MRGBP: variants seen among roughly 807,000 people sequenced by gnomAD.
MRGBP encodes MRG/MORF4L-binding protein.
A neutral mutation model predicts 21.5 loss-of-function variants in MRGBP; 5 were observed. The ratio of observed to expected loss-of-function variants is 0.23; its 90% CI spans 0.12 to 0.49. MRGBP has a LOEUF of 0.49. Among genes scored for constraint, MRGBP ranks in the 20% least tolerant of loss-of-function variants. The probability of loss-of-function intolerance (pLI) is 0.98; values close to 1 mark genes in which losing one functional copy is unlikely to be tolerated. For synonymous variants in MRGBP, 118 were observed against 104.4 expected, an observed-to-expected ratio of 1.13 and a Z score of -0.79; for missense variants, 227 against 277.4, an observed-to-expected ratio of 0.82 and a Z score of 1.29.
intron 2 of MRGBP, among the ~76,000 whole-genome samples, chr20:62,798,304 A>G (rs1055005515): frequency 1.3e-5 from 2 of 152,192 alleles, no homozygotes; most frequent in Non-Finnish European, 2.9e-5. Flanking sequence ...CCCGGTCCTC[A>G]GGGCCCGCCT....
In MRGBP at chr20:62,799,519, ACTC is replaced by A; in HGVS notation, c.495_497del (p.Ser166del). On this transcript the variant is annotated inframe_deletion, in exon 5 of 5. Transcript: ENST00000370487. ...AAATCCAGCAAAGACAAAGAGAAGAACTCCTCAGACTTGGGGTGCAAAGAAGGC... is the reference window on the plus strand; with the variant it reads ...AAATCCAGCAAAGACAAAGAGAAGAACTCAGACTTGGGGTGCAAAGAAGGC... 3 of 1,613,872 alleles carry A rather than the reference ACTC, an allele frequency of 1.9e-6. No homozygotes were observed. Among genetic ancestry groups the A allele is most frequent in the Non-Finnish European group, 2.5e-6 (3 of 1,179,984 alleles).
intron 1 of MRGBP, 84 bp from the exon 2 acceptor site, chr20:62,797,026 C>T: frequency 1.4e-6 from 2 of 1,415,764 alleles, no homozygotes; most frequent in Non-Finnish European, 1.9e-6. Context: ...ACCCTTGCCC[C>T]TCCAGTCCCC....
Position 62,796,483 on chromosome 20 carries a change from C to G in MRGBP, c.-41C>G, listed in dbSNP as rs1990335131. 2 of 1,104,050 alleles carry G rather than the reference C, an allele frequency of 1.8e-6. No homozygotes were observed. The highest frequency in any genetic ancestry group is 2.2e-6 in the Non-Finnish European group (2 of 905,988). 68.4% of individuals were successfully genotyped at this position (1,104,050 alleles called of 1,614,324 possible). ...GCCTGCGCGGAGCTCGTGGCCGCGC[C>G]TGCTCCCGCCGGGGGCTCCTTGCTC... On this transcript the variant is annotated 5_prime_UTR_variant, in exon 1 of 5. Transcript: ENST00000370487.
At chr20:62,798,520 TCTAGTGA>T in intron 2 of MRGBP, 60 bp from the exon 3 acceptor site, 11 of 1,391,400 alleles carry the variant, frequency 7.9e-6, no homozygotes, top group Non-Finnish European at 1.1e-5. Context: ...CTTACACGGC[TCTAGTGA>T]CTTCTTGAAA....
In MRGBP at chr20:62,798,484, G is replaced by GC. The variant is rs1415233687; in HGVS notation, c.271-102dup. The GC allele has an allele frequency of 2.2e-5, 20 of 911,478 alleles. No homozygotes were observed. In the African/African-American group the frequency reaches 3.1e-4, roughly 14 times the overall value. The allele number at this position is 911,478 out of a possible 1,614,324, so 56.5% of individuals were successfully genotyped here. A position where few individuals can be genotyped will look rare whatever the true frequency, so the allele number is the denominator to read the frequency against. Reference sequence around the variant, plus strand: ...CGCAGCCTCCAACACAGTGATGTGTGCTCATTGGCCTCTCCCCAAGTGGCT... The same window carrying GC: ...CGCAGCCTCCAACACAGTGATGTGTGCCTCATTGGCCTCTCCCCAAGTGGCT... On this transcript the variant is annotated intron_variant, in intron 2 of 4. Transcript: ENST00000370487.
intron 2 of MRGBP, 24 bp downstream of exon 2, chr20:62,797,255 G>A (rs1216104140): frequency 1.3e-6 from 2 of 1,533,650 alleles, no homozygotes; most frequent in East Asian, 2.4e-5. Flanking sequence ...CCCTCCCTGT[G>A]CCGCCCGATG....
chr20:62,798,809 G>C, intron 3 of MRGBP, 141 bp downstream of exon 3: 1 of 1,575,146 alleles, frequency 6.3e-7, no homozygotes, highest in Admixed American at 1.8e-5. Flanking sequence ...TGCTTGGGTG[G>C]TCTTGGAACC....
Position 62,801,477 on chromosome 20 carries a change from G to A in MRGBP, c.*1834G>A, listed in dbSNP as rs1373401445. 2 of 152,296 alleles carry A rather than the reference G, an allele frequency of 1.3e-5. No individual in the cohort carries two copies. Among genetic ancestry groups the A allele is most frequent in the African/African-American group, 4.8e-5 (2 of 41,446 alleles). The allele number at this position is 152,296 out of a possible 1,614,324, so 9.4% of individuals were successfully genotyped here. On this transcript the variant is annotated 3_prime_UTR_variant, in exon 5 of 5. Coordinates refer to ENST00000370487, the MANE Select transcript of MRGBP (RefSeq NM_018270.6). ...CTTGCCCGTCTGATCTCTCCTGTTA[G>A]GTCAGCCTCATTCAGGGCTTTGTGC...
Position 62,799,029 on chromosome 20 carries a change from C to T in MRGBP, c.407C>T (p.Pro136Leu). 1 of 1,613,212 alleles carries T rather than the reference C, an allele frequency of 6.2e-7. No individual in the cohort carries two copies. Among genetic ancestry groups the T allele is most frequent in the Non-Finnish European group, 8.5e-7 (1 of 1,179,712 alleles). ...MKEEMKEDVD[P>L]HNGADDVFSS... is the part of the protein sequence containing the mutation. The stretch of plus-strand genomic sequence containing the variant: ...GAGGAGATGAAGGAAGACGTGGACC[C>T]CCACAATGGGGCTGACGATGGTGAG... Residue 136 changes from proline (P) to leucine (L), a missense_variant, in exon 4 of 5, where the codon CCC becomes CTC. Around this residue, in one of 2 missense-constraint regions of MRGBP, gnomAD observed 162 missense variants for 227.7 expected, o/e 0.71. Coordinates refer to ENST00000370487, the MANE Select transcript of MRGBP (RefSeq NM_018270.6).
At chr20:62,798,231 T>C (rs1329254449) in intron 2 of MRGBP, among the ~76,000 whole-genome samples, 1 of 152,160 alleles carries the variant, frequency 6.6e-6, no homozygotes, top group African/African-American at 2.4e-5. Context: ...GAACGCAGTC[T>C]CATGGTGAGA....
At chr20:62,797,012 A>T in intron 1 of MRGBP, 98 bp from the exon 2 acceptor site, 1 of 673,096 alleles carries the variant, frequency 1.5e-6, no homozygotes. Flanking sequence ...ATCTCTCCGC[A>T]GCCACCCTTG....
At chr20:62,797,358 G>A in intron 2 of MRGBP, 127 bp downstream of exon 2, 1 of 1,258,660 alleles carries the variant, frequency 7.9e-7, no homozygotes, top group Non-Finnish European at 1.0e-6. Context: ...CAGAGTAGAG[G>A]CCCCTCCATG....
chr20:62,797,309 T>C, intron 2 of MRGBP, 78 bp downstream of exon 2: 1 of 1,468,972 alleles, frequency 6.8e-7, no homozygotes, highest in African/African-American at 1.4e-5. Context: ...CAGCCTGAGC[T>C]GGGCAGAGGC....
rs1990384686 is a variant in MRGBP at position 62,798,514 on chromosome 20, C to A, written c.271-73C>A. ...TTGGCCTCTCCCCAAGTGGCTCTTA[C>A]ACGGCTCTAGTGACTTCTTGAAACT... On this transcript the variant is annotated intron_variant, in intron 2 of 4. Coordinates refer to ENST00000370487, the MANE Select transcript of MRGBP (RefSeq NM_018270.6). 16 of 1,344,872 alleles carry A rather than the reference C, an allele frequency of 1.2e-5. No homozygotes were observed. The South Asian group carries it at 1.4e-4, about 12-fold the overall frequency. The allele number at this position is 1,344,872 out of a possible 1,614,324, so 83.3% of individuals were successfully genotyped here. A position where few individuals can be genotyped will look rare whatever the true frequency, so the allele number is the denominator to read the frequency against.
chr20:62,797,337 G>A, intron 2 of MRGBP, 106 bp downstream of exon 2: 4 of 1,416,618 alleles, frequency 2.8e-6, no homozygotes, highest in Non-Finnish European at 3.7e-6. Flanking sequence ...TGTCTGCTGG[G>A]GTCTGCTGGG....
chr20:62,797,066 T>G (rs1277669249), intron 1 of MRGBP, 44 bp from the exon 2 acceptor site: 2 of 1,461,818 alleles, frequency 1.4e-6, no homozygotes, highest in African/African-American at 3.1e-5. Flanking sequence ...ATCCCCTTTC[T>G]CCTCACCGCT....
rs967879041 is a variant in MRGBP, at chr20:62,801,253, G to GT, written c.*1611dup. ...TAGAGCAGCTGCCTGGGGGGACCCTGTGGGTCCCTTTTCTATAGAGCCGGG... is the reference window on the plus strand; with the variant it reads ...TAGAGCAGCTGCCTGGGGGGACCCTGTTGGGTCCCTTTTCTATAGAGCCGGG... On this transcript the variant is annotated 3_prime_UTR_variant, in exon 5 of 5. Coordinates refer to ENST00000370487, the MANE Select transcript of MRGBP (RefSeq NM_018270.6). 3.9e-5 allele frequency: 6 copies of GT among 152,212 alleles called. No homozygotes were observed. Among genetic ancestry groups the GT allele is most frequent in the African/African-American group, 1.4e-4 (6 of 41,438 alleles). The allele number at this position is 152,212 out of a possible 1,614,324, so 9.4% of individuals were successfully genotyped here.
chr20:62,798,754 C>A, intron 3 of MRGBP, 86 bp downstream of exon 3: 2 of 1,588,090 alleles, frequency 1.3e-6, no homozygotes, highest in Admixed American at 3.4e-5. Context: ...GGACCCCGGG[C>A]CTCCAGGGAG....
rs747417382 is a variant in MRGBP, at chr20:62,799,487, A to G, written c.459A>G (p.Ala153=). 1 of 1,613,506 alleles carries G rather than the reference A, an allele frequency of 6.2e-7. No individual in the cohort carries two copies. The highest frequency in any genetic ancestry group is 8.5e-7 in the Non-Finnish European group (1 of 1,179,782). The change falls in exon 5 of 5, where the codon GCA becomes GCG. Residue 153 remains alanine (A), a synonymous_variant. Coordinates refer to ENST00000370487, the MANE Select transcript of MRGBP (RefSeq NM_018270.6). The part of the protein sequence containing the change: ...VFSSSGSLGK[A]SEKSSKDKEK... Reference sequence around the variant, plus strand: ...CATCTTCAGGGAGTTTGGGGAAAGCATCAGAAAAATCCAGCAAAGACAAAG... The same window carrying G: ...CATCTTCAGGGAGTTTGGGGAAAGCGTCAGAAAAATCCAGCAAAGACAAAG...
Sources: gnomAD v4.1 joint callset for allele counts (sites outside exome capture counted in the v4.1 genomes callset) on GRCh38, gnomAD v4.1.1 for gene constraint, gnomAD v4.1.1 regional missense constraint, MANE v1.5 for transcripts, NCBI Gene and HGNC (gene_info 2026-07-23, HGNC 2026-07-21) for gene names.